The following SLCO6A1 variants were observed in gnomAD, a reference collection of about 807,000 sequenced individuals.
SLCO6A1 encodes solute carrier organic anion transporter family member 6A1.
Under a neutral mutation model 72.7 loss-of-function variants are expected in SLCO6A1, and 65 were observed. That is an observed-to-expected ratio of 0.89 (90% confidence interval 0.73 to 1.10). The LOEUF is 1.10. SLCO6A1 is among the 50% of genes least tolerant of loss of function. SLCO6A1 has a pLI of 0.00. For missense variants in SLCO6A1, 874 were observed against 872.6 expected, an observed-to-expected ratio of 1.00 and a Z score of -0.02; for synonymous variants, 314 against 298.2, an observed-to-expected ratio of 1.05 and a Z score of -0.55.
At position 102,407,126 on chromosome 5, in the gene SLCO6A1, G is replaced by A. The variant is rs574492818; in HGVS notation, c.1626+5864C>T. On this transcript the variant is annotated intron_variant, in intron 9 of 13. Transcript: ENST00000506729. ...CCAAATTGAGGACTAGCTAAAACAG[G>A]GACAGGGTGAAGCAGCTTTCCATGA... Among the ~76,000 whole-genome samples, 7 of 152,256 alleles carry A rather than the reference G, an allele frequency of 4.6e-5. 1 individual carries two copies. The South Asian group carries it at 1.5e-3, about 32-fold the overall frequency.
At chr5:102,418,284 A>G (rs1748403375) in intron 8 of SLCO6A1, among the ~76,000 whole-genome samples, 1 of 152,028 alleles carries the variant, frequency 6.6e-6, no homozygotes, top group Non-Finnish European at 1.5e-5. Flanking sequence ...TATTTTGAAT[A>G]ATTTGATTAC....
intron 11 of SLCO6A1, among the ~76,000 whole-genome samples, chr5:102,390,129 G>A (rs749069212): frequency 6.6e-6 from 1 of 152,026 alleles, no homozygotes; most frequent in Non-Finnish European, 1.5e-5. Context: ...TCTATAGACA[G>A]TTTATGTCTA....
Position 102,438,617 on chromosome 5 carries a change from C to A in SLCO6A1, c.1276G>T (p.Gly426Ter). 6.3e-7 allele frequency: 1 copy of A among 1,586,880 alleles called. No individual in the cohort carries two copies. The highest frequency in any genetic ancestry group is 2.3e-5 in the East Asian group (1 of 43,802). The change falls in exon 7 of 14, where the codon GGA becomes TGA. Residue 426 changes from glycine to a stop codon, truncating the protein, a stop_gained and splice_region_variant. Transcript: ENST00000506729. LOFTEE classifies it high-confidence loss of function. ...LTPTVATTLA[G>*]LVLIPGGALG... ...AATGACAATAAGAAGGTAAATCTACCTGCAAGTGTAGTTGCCACAGTGGGT... is the reference window on the plus strand; with the variant it reads ...AATGACAATAAGAAGGTAAATCTACATGCAAGTGTAGTTGCCACAGTGGGT...
chr5:102,463,959 T>C (rs771356859), intron 4 of SLCO6A1, among the ~76,000 whole-genome samples: 68 of 150,902 alleles, frequency 4.5e-4, no homozygotes, highest in Non-Finnish European at 8.4e-4. Context: ...GAACTGCGCA[T>C]GTTCTCACTC....
intron 7 of SLCO6A1, among the ~76,000 whole-genome samples, chr5:102,430,272 CTTTT>C (rs1749141922): frequency 6.6e-6 from 1 of 152,050 alleles, no homozygotes; most frequent in Non-Finnish European, 1.5e-5. Flanking sequence ...GGCTTCCTCT[CTTTT>C]TATGTAGATG....
intron 1 of SLCO6A1, 122 bp downstream of exon 1, chr5:102,498,365 G>T: frequency 1.1e-6 from 1 of 903,622 alleles, no homozygotes. Context: ...GCAGCCTCAG[G>T]CTGGGCCACC....
At chr5:102,387,132 C>G (rs922233371) in intron 12 of SLCO6A1, among the ~76,000 whole-genome samples, 2 of 152,108 alleles carry the variant, frequency 1.3e-5, no homozygotes, top group Non-Finnish European at 2.9e-5. Flanking sequence ...CTCTATTTTG[C>G]TGATGTCTTC....
chr5:102,388,868 A>G (rs1372209260), intron 11 of SLCO6A1, 43 bp from the exon 12 acceptor site: 4 of 1,559,446 alleles, frequency 2.6e-6, no homozygotes, highest in African/African-American at 2.8e-5. Flanking sequence ...TGAAAACACT[A>G]TTCTCTTAAA....
At chr5:102,467,590 C>T (rs959271432) in intron 4 of SLCO6A1, among the ~76,000 whole-genome samples, 2 of 152,034 alleles carry the variant, frequency 1.3e-5, no homozygotes, top group African/African-American at 4.8e-5. Flanking sequence ...GGGGTTATTA[C>T]AATTGAAGGT....
At chr5:102,398,504 C>T (rs1393402529) in intron 10 of SLCO6A1, among the ~76,000 whole-genome samples, 2 of 152,022 alleles carry the variant, frequency 1.3e-5, no homozygotes, top group Non-Finnish European at 2.9e-5. Context: ...AAGGGCTTTC[C>T]GTTTTCTCCA....
At chr5:102,390,794 A>G (rs1242554859) in intron 11 of SLCO6A1, among the ~76,000 whole-genome samples, 187 bp downstream of exon 11, 1 of 152,136 alleles carries the variant, frequency 6.6e-6, no homozygotes, top group East Asian at 1.9e-4. Context: ...ATAATTTGAT[A>G]ATTAGAATGA....
intron 11 of SLCO6A1, 87 bp downstream of exon 11, chr5:102,390,894 T>C (rs1746717978): frequency 8.9e-7 from 1 of 1,121,708 alleles, no homozygotes; most frequent in Non-Finnish European, 1.3e-6. Flanking sequence ...TTTACTATTA[T>C]TTATTTGTAA....
chr5:102,484,761 A>C (rs1357819983), intron 1 of SLCO6A1, among the ~76,000 whole-genome samples: 1 of 152,250 alleles, frequency 6.6e-6, no homozygotes, highest in Non-Finnish European at 1.5e-5. Context: ...GTTATACATC[A>C]GAAATTTTTT....
At position 102,398,324 on chromosome 5, in the gene SLCO6A1, C is replaced by T. The variant is rs898199292; in HGVS notation, c.1814+1231G>A. 3.9e-5 allele frequency among the ~76,000 whole-genome samples: 6 copies of T among 152,000 alleles called. No homozygotes were observed. In the South Asian group the frequency reaches 8.3e-4, roughly 21 times the overall value. The stretch of plus-strand genomic sequence containing the variant: ...TTCTGAGTAGCTGGGATTACAGGCC[C>T]TCTTCACCACACCTGGCTAATTTCT... On this transcript the variant is annotated intron_variant, in intron 10 of 13. Transcript: ENST00000506729.
At chr5:102,406,972 A>T (rs1474829099) in intron 9 of SLCO6A1, among the ~76,000 whole-genome samples, 2 of 148,580 alleles carry the variant, frequency 1.3e-5, no homozygotes, top group African/African-American at 5.0e-5. Flanking sequence ...GTCTGCGTTA[A>T]GCAGAATTCC....
At chr5:102,478,987 C>T (rs1225108333) in intron 2 of SLCO6A1, among the ~76,000 whole-genome samples, 1 of 152,134 alleles carries the variant, frequency 6.6e-6, no homozygotes, top group African/African-American at 2.4e-5. Flanking sequence ...ACACCCTGAC[C>T]TCTTAGTTCC....
In SLCO6A1 at chr5:102,403,199, T is replaced by C. The variant is rs1747491846; in HGVS notation, c.1627-3457A>G. The stretch of plus-strand genomic sequence containing the variant: ...AAATCCAACAACTGAGATATTTGAA[T>C]GCAAGAATTTTGGATAAAAGCTTGT... On this transcript the variant is annotated intron_variant, in intron 9 of 13. Transcript: ENST00000506729. 2.0e-5 allele frequency among the ~76,000 whole-genome samples: 3 copies of C among 152,192 alleles called. No homozygotes were observed. In the South Asian group the frequency reaches 6.2e-4, roughly 31 times the overall value.
chr5:102,388,313 A>G (rs1244495814), intron 12 of SLCO6A1, among the ~76,000 whole-genome samples: 1 of 152,038 alleles, frequency 6.6e-6, no homozygotes, highest in East Asian at 1.9e-4. Flanking sequence ...TTTTTACTAT[A>G]TAACTAGATA....
At chr5:102,460,559 T>C (rs796598087) in intron 4 of SLCO6A1, among the ~76,000 whole-genome samples, 13 of 152,264 alleles carry the variant, frequency 8.5e-5, no homozygotes, top group African/African-American at 3.1e-4. Flanking sequence ...AGCTATTCTA[T>C]CATTTAAGGA....
Sources: gnomAD v4.1 joint callset for allele counts (sites outside exome capture counted in the v4.1 genomes callset) on GRCh38, gnomAD v4.1.1 for gene constraint, MANE v1.5 for transcripts, NCBI Gene and HGNC (gene_info 2026-07-23, HGNC 2026-07-21) for gene names.